MTUS1: variants seen among roughly 807,000 people sequenced by gnomAD.
MTUS1 encodes the protein microtubule associated scaffold protein 1, also known as microtubule-associated tumor suppressor 1.
A neutral mutation model predicts 120.8 loss-of-function variants in MTUS1; 109 were observed. The observed-to-expected ratio is 0.90, with a 90% CI of 0.77 to 1.06. MTUS1 has a LOEUF of 1.06. MTUS1 is among the 50% of genes least tolerant of loss of function. The pLI, the probability that MTUS1 is intolerant of heterozygous loss-of-function variation, is 0.00. For synonymous variants in MTUS1, 737 were observed against 550.5 expected (o/e 1.34, Z -4.74); for missense variants, 2,210 against 1,486.3 (o/e 1.49, Z -8.01).
intron 2 of MTUS1, among the ~76,000 whole-genome samples, chr8:17,745,132 C>A (rs925167604): frequency 6.6e-5 from 10 of 152,102 alleles, no homozygotes; most frequent in Non-Finnish European, 1.5e-4. Flanking sequence ...AATTTTAATC[C>A]AGATCATACC....
At chr8:17,695,459 G>T (rs1211370530) in intron 6 of MTUS1, among the ~76,000 whole-genome samples, 1 of 152,190 alleles carries the variant, frequency 6.6e-6, no homozygotes, top group Admixed American at 6.5e-5. Context: ...GTGAACTCTA[G>T]CTCAAAAAAT....
chr8:17,677,995 G>T (rs78174896), intron 7 of MTUS1, among the ~76,000 whole-genome samples: 8,649 of 152,168 alleles, frequency 0.057, 459 homozygotes, highest in East Asian at 0.24. Context: ...GAACATCCAG[G>T]CTCAATTCTT....
chr8:17,781,838 C>G (rs1342380363), intron 1 of MTUS1, among the ~76,000 whole-genome samples: 1 of 152,168 alleles, frequency 6.6e-6, no homozygotes, highest in Non-Finnish European at 1.5e-5. Context: ...GGCTGGCAGC[C>G]CCTCTGATTC....
chr8:17,681,555 G>A (rs1300361842), intron 7 of MTUS1: 1 of 154,786 alleles, frequency 6.5e-6, no homozygotes, highest in Non-Finnish European at 1.5e-5. Context: ...AATAAGGTAA[G>A]TAAGAATATC....
intron 6 of MTUS1, among the ~76,000 whole-genome samples, chr8:17,685,476 T>TA (rs576891616): frequency 0.012 from 1,626 of 136,272 alleles, 25 homozygotes; most frequent in African/African-American, 0.036. Flanking sequence ...CACAAGAAAC[T>TA]AAAAAAAAAA....
At chr8:17,690,357 C>A (rs1463697892) in intron 6 of MTUS1, among the ~76,000 whole-genome samples, 2 of 152,236 alleles carry the variant, frequency 1.3e-5, no homozygotes, top group South Asian at 4.1e-4. Context: ...TCAGCCAGAA[C>A]GGCTATTACC....
intron 6 of MTUS1, among the ~76,000 whole-genome samples, chr8:17,697,023 C>G (rs432494): frequency 0.038 from 5,739 of 152,278 alleles, 348 homozygotes; most frequent in African/African-American, 0.13. Flanking sequence ...AACACCAAGG[C>G]AACAATTCTG....
At chr8:17,735,425 G>A (rs1055106332) in intron 3 of MTUS1, among the ~76,000 whole-genome samples, 6 of 152,090 alleles carry the variant, frequency 3.9e-5, no homozygotes, top group South Asian at 2.1e-4. Context: ...TGTAGCACTC[G>A]TGCAAGTTTG....
chr8:17,765,582 G>A (rs1269230485), intron 1 of MTUS1, among the ~76,000 whole-genome samples: 1 of 141,568 alleles, frequency 7.1e-6, no homozygotes, highest in African/African-American at 2.7e-5. Context: ...TTATGCCACT[G>A]CACTCCAGCC....
rs530266146 is a variant in MTUS1 at position 17,654,181 on chromosome 8, G to C, written c.3214+380C>G. 8.4e-4 allele frequency: 181 copies of C among 215,996 alleles called. No homozygotes were observed. The Middle Eastern group carries it at 0.029, about 34-fold the overall frequency. The allele number at this position is 215,996 out of a possible 1,614,324, so 13.4% of individuals were successfully genotyped here. ...AAAAGACTATTTTTCTATTCAATAA[G>C]TGGCATCGACATTTCACAGCAACAC... On this transcript the variant is annotated intron_variant, in intron 10 of 14. Transcript: ENST00000693296.
chr8:17,767,700 T>TAAG lies in MTUS1; in HGVS notation c.-154-11740_-154-11739insCTT, dbSNP rs1554533204. ...GGTGATAGAGCAAGACCCTGTCTCTTAAAAAAAAAAAAAAAAAACGGTGTG... is the reference window on the plus strand; with the variant it reads ...GGTGATAGAGCAAGACCCTGTCTCTTAAGAAAAAAAAAAAAAAAAAACGGTGTG... On this transcript the variant is annotated intron_variant, in intron 1 of 14. Coordinates refer to ENST00000693296, the MANE Select transcript of MTUS1 (RefSeq NM_001363059.2). Among the ~76,000 whole-genome samples, 45 of 87,874 alleles carry TAAG rather than the reference T, an allele frequency of 5.1e-4. 2 individuals are homozygous for TAAG. Among genetic ancestry groups the TAAG allele is most frequent in the African/African-American group, 2.3e-3 (45 of 19,664 alleles). The allele number at this position is 87,874 out of a possible 152,430, so 57.6% of individuals were successfully genotyped here. A position where few individuals can be genotyped will look rare whatever the true frequency, so the allele number is the denominator to read the frequency against.
At chr8:17,659,511 A>T (rs1376561110) in intron 8 of MTUS1, among the ~76,000 whole-genome samples, 7 of 152,210 alleles carry the variant, frequency 4.6e-5, no homozygotes, top group African/African-American at 1.7e-4. Flanking sequence ...CCTGGCCAAC[A>T]TGGTGAAACC....
chr8:17,732,584 G>T (rs1002437218), intron 3 of MTUS1, among the ~76,000 whole-genome samples: 1 of 152,096 alleles, frequency 6.6e-6, no homozygotes, highest in Non-Finnish European at 1.5e-5. Context: ...TATATCTGTA[G>T]ACCAGATTTC....
chr8:17,697,154 TCCTCCAA>T, intron 6 of MTUS1: 2 of 1,416,360 alleles, frequency 1.4e-6, no homozygotes, highest in Admixed American at 2.3e-5. Context: ...AGAGCTTTTT[TCCTCCAA>T]TTATCTGTCT....
chr8:17,678,505 G>A (rs972620552), intron 7 of MTUS1, among the ~76,000 whole-genome samples: 3 of 152,252 alleles, frequency 2.0e-5, no homozygotes, highest in African/African-American at 4.8e-5. Flanking sequence ...GTCTCTGGCT[G>A]TGGTCCCATC....
intron 2 of MTUS1, among the ~76,000 whole-genome samples, chr8:17,745,723 C>T (rs534991949): frequency 6.6e-6 from 1 of 152,230 alleles, no homozygotes; most frequent in Non-Finnish European, 1.5e-5. Flanking sequence ...TAACTCCATT[C>T]TCTGGTTTCC....
At chr8:17,790,630 A>G (rs1187403624) in intron 1 of MTUS1, among the ~76,000 whole-genome samples, 1 of 152,230 alleles carries the variant, frequency 6.6e-6, no homozygotes, top group Non-Finnish European at 1.5e-5. Flanking sequence ...TTCTGTGATT[A>G]GAAAATGTGA....
intron 10 of MTUS1, 55 bp from the exon 11 acceptor site, chr8:17,653,553 C>T: frequency 1.6e-6 from 2 of 1,280,450 alleles, no homozygotes; most frequent in Non-Finnish European, 2.2e-6. Context: ...GATCAATGTA[C>T]TCTAAAACAG....
Position 17,704,409 on chromosome 8 carries a change from T to TA in MTUS1, c.2623+8804dup, listed in dbSNP as rs565481952. ...TGAGGTGTTTTATAGTTTCAGATCT[T>TA]ATATTTAAGTCTTTAATCCATCTCG... is the stretch of plus-strand genomic sequence containing the variant. On this transcript the variant is annotated intron_variant, in intron 6 of 14. Transcript: ENST00000693296. Among the ~76,000 whole-genome samples, 17 of 152,280 alleles carry TA rather than the reference T, an allele frequency of 1.1e-4. No individual in the cohort carries two copies. The South Asian group carries it at 3.1e-3, about 28-fold the overall frequency.
Sources: gnomAD v4.1 joint callset for allele counts (sites outside exome capture counted in the v4.1 genomes callset) on GRCh38, gnomAD v4.1.1 for gene constraint, MANE v1.5 for transcripts, NCBI Gene and HGNC (gene_info 2026-07-23, HGNC 2026-07-21) for gene names.